The following CEACAM3 variants were observed in gnomAD, a reference collection of about 807,000 sequenced individuals.
CEACAM3 encodes the protein cell adhesion molecule CEACAM3.
In CEACAM3, 32 loss-of-function variants were observed where a neutral mutation model predicts 30.1. That is an observed-to-expected ratio of 1.06 (90% CI 0.80 to 1.43). The LOEUF is 1.43. Among genes scored for constraint, CEACAM3 ranks in the 40% most tolerant of loss-of-function variants. CEACAM3 has a pLI of 0.00. For missense variants in CEACAM3, 290 were observed against 316.3 expected (o/e 0.92, Z 0.63); for synonymous variants, 134 against 127.2 (o/e 1.05, Z -0.36).
At chr19:41,801,494 AC>A (rs1429369518) in intron 2 of CEACAM3, among the ~76,000 whole-genome samples, 2 of 152,244 alleles carry the variant, frequency 1.3e-5, no homozygotes, top group Non-Finnish European at 2.9e-5. Context: ...ATTCACTGAG[AC>A]CACGATATTG....
chr19:41,796,745 A>C lies in CEACAM3; in HGVS notation c.64+4A>C. 6.2e-7 allele frequency: 1 copy of C among 1,611,146 alleles called. No individual in the cohort carries two copies. The highest frequency in any genetic ancestry group is 8.5e-7 in the Non-Finnish European group (1 of 1,178,638). ...TGGCAGGGGCTTCTGCTCACAGGTG[A>C]GTGGAGGATTCCTGGGAGTGGGCAA... On this transcript the variant is annotated splice_donor_region_variant and intron_variant, in intron 1 of 6. Transcript: ENST00000357396.
At chr19:41,808,054 C>G (rs557471930) in intron 2 of CEACAM3, among the ~76,000 whole-genome samples, 1 of 152,336 alleles carries the variant, frequency 6.6e-6, no homozygotes, top group East Asian at 1.9e-4. Flanking sequence ...GGAGCATAGG[C>G]CCTGAGCCCT....
Position 41,807,516 on chromosome 19 carries a change from C to G in CEACAM3, c.425-1297C>G. 2.8e-6 allele frequency: 4 copies of G among 1,411,346 alleles called. No individual in the cohort carries two copies. The South Asian group carries it at 5.1e-5, about 18-fold the overall frequency. 87.4% of individuals were successfully genotyped at this position (1,411,346 alleles called of 1,614,324 possible). On this transcript the variant is annotated intron_variant, in intron 2 of 6. Transcript: ENST00000357396. ...CCAGGCTGGCCATCACTTCCTGTCC[C>G]AAGCAAACCTGGGCAGACCCAGCCT...
chr19:41,798,481 G>T (rs2059594665), intron 2 of CEACAM3, among the ~76,000 whole-genome samples: 1 of 152,208 alleles, frequency 6.6e-6, no homozygotes, highest in African/African-American at 2.4e-5. Flanking sequence ...GGCTCCTGGA[G>T]TTGGTCACCA....
In CEACAM3 at chr19:41,797,965, G is replaced by C. The variant is rs1555825503; in HGVS notation, c.424+17G>C. 4 of 1,582,010 alleles carry C rather than the reference G, an allele frequency of 2.5e-6. No homozygotes were observed. In the East Asian group the frequency reaches 6.7e-5, roughly 27 times the overall value. Reference sequence around the variant, plus strand: ...ATGTATACCGTGAGTATTTCCACATGACCTCTGGGTGTTGGGGGTCAGTTC... The same window carrying C: ...ATGTATACCGTGAGTATTTCCACATCACCTCTGGGTGTTGGGGGTCAGTTC... On this transcript the variant is annotated intron_variant, in intron 2 of 6. Coordinates refer to ENST00000357396, the MANE Select transcript of CEACAM3 (RefSeq NM_001815.5).
intron 1 of CEACAM3, chr19:41,797,320 G>C: frequency 2.2e-6 from 1 of 455,452 alleles, no homozygotes. Flanking sequence ...GTCAGGGGAG[G>C]GATCTCCCAA....
At chr19:41,807,364 TGA>T in intron 2 of CEACAM3, 1 of 1,605,574 alleles carries the variant, frequency 6.2e-7, no homozygotes, top group Non-Finnish European at 8.5e-7. Context: ...CCAGCTACAG[TGA>T]CCCAGTCACG....
At chr19:41,807,151 C>G in intron 2 of CEACAM3, 1 of 1,557,078 alleles carries the variant, frequency 6.4e-7, no homozygotes, top group East Asian at 2.3e-5. Context: ...ACAACTCCAA[C>G]CCCAAGGAGG....
chr19:41,804,617 G>C (rs1555826468), intron 2 of CEACAM3, among the ~76,000 whole-genome samples: 1 of 152,074 alleles, frequency 6.6e-6, no homozygotes, highest in African/African-American at 2.4e-5. Context: ...CTTCCTAACA[G>C]GACTCACAAT....
intron 2 of CEACAM3, chr19:41,807,607 G>C (rs1380976266): frequency 1.6e-6 from 2 of 1,215,572 alleles, no homozygotes; most frequent in East Asian, 5.1e-5. Context: ...AGCCTGTGAT[G>C]GGAGAAACAG....
Position 41,796,596 on chromosome 19 carries a change from T to A in CEACAM3, c.-82T>A. On this transcript the variant is annotated 5_prime_UTR_variant, in exon 1 of 7. Coordinates refer to ENST00000357396, the MANE Select transcript of CEACAM3 (RefSeq NM_001815.5). Reference sequence around the variant, plus strand: ...TGGAAAGAGGAAGGACAGCAGAGCCTAAGTCACAGTAGCCCTGACTACAGC... The same window carrying A: ...TGGAAAGAGGAAGGACAGCAGAGCCAAAGTCACAGTAGCCCTGACTACAGC... The A allele has an allele frequency of 6.6e-7, 1 of 1,521,476 alleles. No individual in the cohort carries two copies. 94.2% of individuals were successfully genotyped at this position (1,521,476 alleles called of 1,614,324 possible). A position where few individuals can be genotyped will look rare whatever the true frequency, so the allele number is the denominator to read the frequency against.
intron 2 of CEACAM3, chr19:41,798,176 G>T (rs2073119362): frequency 5.5e-6 from 4 of 730,786 alleles, no homozygotes; most frequent in Non-Finnish European, 8.5e-6. Flanking sequence ...ACAGTCTGAT[G>T]GGGGGACTCA....
chr19:41,798,719 T>A (rs1464714716), intron 2 of CEACAM3, among the ~76,000 whole-genome samples: 2 of 152,210 alleles, frequency 1.3e-5, no homozygotes, highest in Non-Finnish European at 2.9e-5. Context: ...CTCAGGGACC[T>A]CTCTTTTGGA....
rs144035716 is a variant in CEACAM3, at chr19:41,798,070, C to G, written c.424+122C>G. 5.9e-4 allele frequency: 878 copies of G among 1,476,766 alleles called. 11 individuals are homozygous for G. In the East Asian group the frequency reaches 0.019, roughly 32 times the overall value. 91.5% of individuals were successfully genotyped at this position (1,476,766 alleles called of 1,614,324 possible). A position where few individuals can be genotyped will look rare whatever the true frequency, so the allele number is the denominator to read the frequency against. ...ATTACATTCTGTATCAGGGTTTGGA[C>G]ATTTAGTGCAGGACACACACGGGGG... On this transcript the variant is annotated intron_variant, in intron 2 of 6. Coordinates refer to ENST00000357396, the MANE Select transcript of CEACAM3 (RefSeq NM_001815.5).
intron 2 of CEACAM3, 82 bp downstream of exon 2, chr19:41,798,030 T>C: frequency 6.5e-7 from 1 of 1,534,614 alleles, no homozygotes. Context: ...GGGCTGTGCC[T>C]GTGGCCCTCT....
chr19:41,806,509 C>T (rs182712115), intron 2 of CEACAM3, among the ~76,000 whole-genome samples: 1 of 152,308 alleles, frequency 6.6e-6, no homozygotes, highest in East Asian at 1.9e-4. Context: ...GGGGATGTGA[C>T]TCCTGGTCCT....
intron 2 of CEACAM3, among the ~76,000 whole-genome samples, chr19:41,799,579 G>A (rs782026259): frequency 5.9e-5 from 9 of 152,174 alleles, no homozygotes; most frequent in Non-Finnish European, 1.0e-4. Flanking sequence ...AACAGAGTCA[G>A]TGCCAGGAAT....
chr19:41,805,478 G>A (rs986809274), intron 2 of CEACAM3, among the ~76,000 whole-genome samples: 3 of 151,508 alleles, frequency 2.0e-5, no homozygotes, highest in African/African-American at 4.9e-5. Flanking sequence ...TAGTAGAGAC[G>A]GGGTTTCACC....
Position 41,810,885 on chromosome 19 carries a change from T to C in CEACAM3, c.681T>C (p.Ala227=), listed in dbSNP as rs1555827527. Reference sequence around the variant, plus strand: ...CCCTACCCAACCCCAGGACAGCAGCTTCCATCTATGAGGTGAGTGTGGGCC... The same window carrying C: ...CCCTACCCAACCCCAGGACAGCAGCCTCCATCTATGAGGTGAGTGTGGGCC... ...QAPLPNPRTA[A]SIYEELLKHD... The change falls in exon 6 of 7, where the codon GCT becomes GCC. Residue 227 remains alanine (A), a synonymous_variant. Coordinates refer to ENST00000357396, the MANE Select transcript of CEACAM3 (RefSeq NM_001815.5). The C allele has an allele frequency of 6.2e-7, 1 of 1,613,608 alleles. No individual in the cohort carries two copies. Among genetic ancestry groups the C allele is most frequent in the South Asian group, 1.1e-5 (1 of 91,070 alleles).
Sources: gnomAD v4.1 joint callset for allele counts (sites outside exome capture counted in the v4.1 genomes callset) on GRCh38, gnomAD v4.1.1 for gene constraint, MANE v1.5 for transcripts, NCBI Gene and HGNC (gene_info 2026-07-23, HGNC 2026-07-21) for gene names.